ZZZ3: variants seen among roughly 807,000 people sequenced by gnomAD.
ZZZ3 encodes ZZ-type zinc finger-containing protein 3.
In ZZZ3, 22 loss-of-function variants were observed where a neutral mutation model predicts 95.2. The ratio of observed to expected loss-of-function variants is 0.23; its 90% CI spans 0.17 to 0.33. ZZZ3 has a LOEUF of 0.33. Ranked by LOEUF, ZZZ3 falls within the 10% of genes least tolerant of loss-of-function variation. The pLI is 1.00. For synonymous variants in ZZZ3, 335 were observed against 358.9 expected, an observed-to-expected ratio of 0.93 and a Z score of 0.75; for missense variants, 885 against 1,066.5, an observed-to-expected ratio of 0.83 and a Z score of 2.37.
chr1:77,565,993 T>C (rs1435423155), intron 14 of ZZZ3, 88 bp downstream of exon 14: 1 of 1,214,872 alleles, frequency 8.2e-7, no homozygotes, highest in Non-Finnish European at 1.1e-6. Context: ...GGTATTAATA[T>C]TTTCTATGTT....
At chr1:77,582,292 A>G (rs1277004204) in intron 6 of ZZZ3, among the ~76,000 whole-genome samples, 166 bp from the exon 7 acceptor site, 2 of 152,240 alleles carry the variant, frequency 1.3e-5, no homozygotes, top group African/African-American at 4.8e-5. Flanking sequence ...ATATAGTCTA[A>G]ATATTAAATG....
intron 12 of ZZZ3, among the ~76,000 whole-genome samples, chr1:77,573,332 G>A (rs374475113): frequency 6.6e-6 from 1 of 151,912 alleles, no homozygotes; most frequent in South Asian, 2.1e-4. Flanking sequence ...ATGTTGGCCA[G>A]GCTGGTCTTG....
rs143489170 is a variant in ZZZ3, at chr1:77,567,211, T to C, written c.2467-1030A>G. Among the ~76,000 whole-genome samples, 445 of 152,286 alleles carry C rather than the reference T, an allele frequency of 2.9e-3. 1 individual carries two copies. The highest frequency in any genetic ancestry group is 0.016 in the South Asian group (78 of 4,814). On this transcript the variant is annotated intron_variant, in intron 13 of 14. Transcript: ENST00000370801. ...CTTCCTCCAGTCCAACCAAGTCAAT[T>C]CTAATGCCTAAAGGCTTCTCAAACT...
Position 77,581,845 on chromosome 1 carries a change from A to G in ZZZ3, c.1839T>C (p.Asp613=). Reference sequence around the variant, plus strand: ...ACATAGAATATGAAAGGGACTCTCCATCCTTCTTAGGATCTAAAGGACTTT... The same window carrying G: ...ACATAGAATATGAAAGGGACTCTCCGTCCTTCTTAGGATCTAAAGGACTTT... The part of the protein sequence containing the change: ...RPKSPLDPKK[D]GESLSYSMLP... Residue 613 remains aspartate, a synonymous_variant, in exon 8 of 15, where the codon GAT becomes GAC. Transcript: ENST00000370801. 1.9e-6 allele frequency: 3 copies of G among 1,614,104 alleles called. No homozygotes were observed. Among genetic ancestry groups the G allele is most frequent in the Non-Finnish European group, 2.5e-6 (3 of 1,179,954 alleles).
chr1:77,587,618 T>C (rs1454305490), intron 5 of ZZZ3, among the ~76,000 whole-genome samples: 1 of 152,150 alleles, frequency 6.6e-6, no homozygotes, highest in East Asian at 1.9e-4. Flanking sequence ...TCTGGGCTGA[T>C]CAGATCACAG....
chr1:77,587,890 T>C (rs1663263373), intron 5 of ZZZ3, among the ~76,000 whole-genome samples: 1 of 152,210 alleles, frequency 6.6e-6, no homozygotes, highest in Admixed American at 6.5e-5. Context: ...TTTAGGTTGG[T>C]CCACTTTCAC....
intron 5 of ZZZ3, among the ~76,000 whole-genome samples, chr1:77,591,173 C>T (rs1205765946): frequency 5.3e-5 from 8 of 151,918 alleles, no homozygotes; most frequent in Non-Finnish European, 1.0e-4. Flanking sequence ...TTATGCAGCA[C>T]GCAAAATTTT....
intron 1 of ZZZ3, among the ~76,000 whole-genome samples, chr1:77,675,673 A>C (rs1286799510): frequency 6.6e-6 from 1 of 151,978 alleles, no homozygotes; most frequent in Non-Finnish European, 1.5e-5. Context: ...TACTAGCATT[A>C]TTGTAACCAG....
intron 1 of ZZZ3, among the ~76,000 whole-genome samples, chr1:77,664,248 C>T (rs2101028072): frequency 6.6e-6 from 1 of 152,190 alleles, no homozygotes; most frequent in East Asian, 1.9e-4. Flanking sequence ...AAACACTGTC[C>T]TGAATCTGAT....
chr1:77,608,046 T>C (rs1186127128), intron 5 of ZZZ3, among the ~76,000 whole-genome samples: 1 of 151,764 alleles, frequency 6.6e-6, no homozygotes, highest in Non-Finnish European at 1.5e-5. Context: ...AATCTAAGAG[T>C]TATTAGCCTT....
At chr1:77,654,598 C>CT (rs1670104810) in intron 1 of ZZZ3, among the ~76,000 whole-genome samples, 1 of 152,046 alleles carries the variant, frequency 6.6e-6, no homozygotes, top group African/African-American at 2.4e-5. Context: ...GCAATTCACT[C>CT]TATATTAACA....
chr1:77,576,007 T>C (rs763611515), intron 12 of ZZZ3, 61 bp downstream of exon 12: 3 of 1,304,108 alleles, frequency 2.3e-6, no homozygotes, highest in Non-Finnish European at 3.1e-6. Context: ...TGGAAATAAT[T>C]AGAAAATCCT....
At chr1:77,628,366 GA>G (rs1667503932) in intron 5 of ZZZ3, among the ~76,000 whole-genome samples, 1 of 152,088 alleles carries the variant, frequency 6.6e-6, no homozygotes, top group Admixed American at 6.5e-5. Context: ...TCTTGCCAGA[GA>G]AAAAGATATT....
chr1:77,627,440 T>TTGA (rs1374377082), intron 5 of ZZZ3, among the ~76,000 whole-genome samples: 3 of 152,168 alleles, frequency 2.0e-5, no homozygotes, highest in Non-Finnish European at 4.4e-5. Flanking sequence ...AGAAATTACT[T>TTGA]TGACCAACAG....
chr1:77,653,379 T>G (rs941537621), intron 1 of ZZZ3, among the ~76,000 whole-genome samples: 1 of 152,222 alleles, frequency 6.6e-6, no homozygotes, highest in African/African-American at 2.4e-5. Context: ...TCCTACTTTG[T>G]AAATATACTA....
intron 5 of ZZZ3, among the ~76,000 whole-genome samples, chr1:77,629,983 T>A (rs1307154038): frequency 6.6e-6 from 1 of 152,064 alleles, no homozygotes; most frequent in Non-Finnish European, 1.5e-5. Context: ...GGCAATCTCT[T>A]ACAAAAAGTA....
chr1:77,583,045 C>G (rs1662689393), intron 6 of ZZZ3, among the ~76,000 whole-genome samples: 1 of 151,830 alleles, frequency 6.6e-6, no homozygotes, highest in Admixed American at 6.6e-5. Flanking sequence ...GCGGAAGTTA[C>G]AGTGAACTGA....
Position 77,632,252 on chromosome 1 carries a change from A to G in ZZZ3, c.1103T>C (p.Leu368Ser). 1.9e-6 allele frequency: 3 copies of G among 1,614,082 alleles called. No individual in the cohort carries two copies. The highest frequency in any genetic ancestry group is 1.6e-4 in the Middle Eastern group (1 of 6,062). The change falls in exon 5 of 15, where the codon TTA becomes TCA. Residue 368 changes from leucine (L) to serine (S), a missense_variant. Around this residue, in one of 5 missense-constraint regions of ZZZ3, gnomAD observed 556 missense variants for 652.9 expected, o/e 0.85. Transcript: ENST00000370801. ...LDCVSAQMMS[L>S]SEPQEHRYTL... Reference sequence around the variant, plus strand: ...ATAACGATGTTCTTGAGGTTCTGATAAAGACATCATTTGAGCTGAAACACA... The same window carrying G: ...ATAACGATGTTCTTGAGGTTCTGATGAAGACATCATTTGAGCTGAAACACA...
At chr1:77,613,172 T>C (rs190486165) in intron 5 of ZZZ3, among the ~76,000 whole-genome samples, 29 of 152,226 alleles carry the variant, frequency 1.9e-4, no homozygotes, top group African/African-American at 6.3e-4. Context: ...ATCATATAGA[T>C]GTTGGTAACT....
Sources: allele counts gnomAD v4.1 joint callset (sites outside exome capture counted in the v4.1 genomes callset), GRCh38; gene constraint gnomAD v4.1.1; regional missense constraint gnomAD v4.1.1; transcripts MANE v1.5; gene names NCBI Gene and HGNC (gene_info 2026-07-23, HGNC 2026-07-21).